TMEM45A: variants seen among roughly 807,000 people sequenced by gnomAD.
TMEM45A encodes the protein transmembrane protein 45A.
Under a neutral mutation model 32.0 loss-of-function variants are expected in TMEM45A, and 25 were observed. The observed-to-expected ratio is 0.78, with a 90% confidence interval of 0.57 to 1.09. The LOEUF (loss-of-function observed/expected upper bound fraction) is 1.09, where lower values mean the gene tolerates loss of function less well. Among genes scored for constraint, TMEM45A ranks in the 50% least tolerant of loss-of-function variants. The pLI is 0.00. For synonymous variants in TMEM45A, 122 were observed against 114.8 expected (o/e 1.06, Z -0.40); for missense variants, 302 against 325.0 (o/e 0.93, Z 0.54).
At position 100,556,877 on chromosome 3, in the gene TMEM45A, G is replaced by A; in HGVS notation, c.308G>A (p.Gly103Glu). 1 of 1,614,122 alleles carries A rather than the reference G, an allele frequency of 6.2e-7. No individual in the cohort carries two copies. Among genetic ancestry groups the A allele is most frequent in the Non-Finnish European group, 8.5e-7 (1 of 1,180,006 alleles). The change falls in exon 3 of 6, where the codon GGG becomes GAG. Residue 103 changes from glycine (G) to glutamate (E), a missense_variant. By Grantham distance (98) the Gly-to-Glu change is moderately conservative. Transcript: ENST00000323523. ...CATTTCACCATGTATTTCTTCTTTG[G>A]GCTGTTGGGTGTGGCAGATATCTTA... is the stretch of plus-strand genomic sequence containing the variant. ...WHHFTMYFFF[G>E]LLGVADILCF...
chr3:100,571,975 A>C (rs2148997227), intron 5 of TMEM45A: 1 of 152,336 alleles, frequency 6.6e-6, no homozygotes, highest in South Asian at 2.1e-4. Flanking sequence ...TATATGTGCC[A>C]CATTTTCTTA....
intron 1 of TMEM45A, among the ~76,000 whole-genome samples, chr3:100,554,514 C>G (rs1706174257): frequency 6.6e-6 from 1 of 152,154 alleles, no homozygotes; most frequent in African/African-American, 2.4e-5. Context: ...TGTGCTAGTT[C>G]AACTTATAGT....
intron 1 of TMEM45A, among the ~76,000 whole-genome samples, chr3:100,512,549 A>G (rs945083842): frequency 2.6e-5 from 4 of 152,192 alleles, no homozygotes; most frequent in African/African-American, 9.7e-5. Context: ...ACACCCTAAC[A>G]TCACAATTAA....
At chr3:100,570,111 T>A (rs1706528489) in intron 5 of TMEM45A, among the ~76,000 whole-genome samples, 3 of 152,264 alleles carry the variant, frequency 2.0e-5, no homozygotes, top group Admixed American at 2.0e-4. Flanking sequence ...AGTCACTAGC[T>A]ATTGAGCACT....
At chr3:100,536,694 A>T (rs1009611007) in intron 1 of TMEM45A, among the ~76,000 whole-genome samples, 2 of 152,198 alleles carry the variant, frequency 1.3e-5, no homozygotes, top group African/African-American at 4.8e-5. Context: ...GAAATTCACC[A>T]ACAGCTTTGC....
intron 1 of TMEM45A, among the ~76,000 whole-genome samples, chr3:100,546,911 A>G (rs1437641943): frequency 6.6e-6 from 1 of 152,104 alleles, no homozygotes; most frequent in Non-Finnish European, 1.5e-5. Flanking sequence ...GTCACTAAAT[A>G]CCTTGGAGCT....
rs201803242 is a variant in TMEM45A, at chr3:100,558,435, G to T, written c.434G>T (p.Arg145Leu). ...ATCTTCTACAACCACACTCATGGCC[G>T]GGAAATGCTGGACATCTTTGTGCAC... ...AFIFYNHTHG[R>L]EMLDIFVHQL... is the part of the protein sequence containing the mutation. The change falls in exon 4 of 6, where the codon CGG (arginine) becomes CTG (leucine). Residue 145 changes from arginine (R) to leucine (L), a missense_variant. Physicochemically the swap from Arg to Leu is moderately radical, Grantham distance 102 (BLOSUM62 -2). Coordinates refer to ENST00000323523, the MANE Select transcript of TMEM45A (RefSeq NM_018004.3). 6.2e-7 allele frequency: 1 copy of T among 1,613,786 alleles called. No homozygotes were observed. Among genetic ancestry groups the T allele is most frequent in the African/African-American group, 1.3e-5 (1 of 75,020 alleles).
chr3:100,561,473 T>A (rs1206414045), intron 4 of TMEM45A, among the ~76,000 whole-genome samples: 2 of 152,160 alleles, frequency 1.3e-5, no homozygotes, highest in African/African-American at 4.8e-5. Flanking sequence ...ATCACACACA[T>A]ATAAATGATT....
chr3:100,559,167 G>T (rs1206715478), intron 4 of TMEM45A, among the ~76,000 whole-genome samples: 1 of 152,178 alleles, frequency 6.6e-6, no homozygotes, highest in Non-Finnish European at 1.5e-5. Context: ...CTTTAACCTT[G>T]ATGAATTGTT....
At chr3:100,551,086 T>A (rs1470156357) in intron 1 of TMEM45A, among the ~76,000 whole-genome samples, 1 of 149,628 alleles carries the variant, frequency 6.7e-6, no homozygotes, top group Admixed American at 6.7e-5. Context: ...GGATCTCGGC[T>A]GACTGCAAGC....
intron 1 of TMEM45A, among the ~76,000 whole-genome samples, chr3:100,552,253 T>A (rs958603156): frequency 1.3e-5 from 2 of 152,214 alleles, no homozygotes; most frequent in African/African-American, 4.8e-5. Flanking sequence ...ATTTAACCTC[T>A]GAGGTGCCCC....
At chr3:100,509,023 A>G (rs998815990) in intron 1 of TMEM45A, among the ~76,000 whole-genome samples, 3 of 152,218 alleles carry the variant, frequency 2.0e-5, no homozygotes, top group African/African-American at 7.2e-5. Flanking sequence ...CAGAATGAAG[A>G]GACAAACTTC....
At chr3:100,567,070 TGAA>T (rs1706456507) in intron 4 of TMEM45A, among the ~76,000 whole-genome samples, 1 of 152,098 alleles carries the variant, frequency 6.6e-6, no homozygotes, top group South Asian at 2.1e-4. Context: ...TTTCAAGTGA[TGAA>T]GATTTCTCCC....
intron 1 of TMEM45A, among the ~76,000 whole-genome samples, chr3:100,552,463 G>A (rs935434897): frequency 6.6e-6 from 1 of 152,194 alleles, no homozygotes; most frequent in Non-Finnish European, 1.5e-5. Context: ...CCCTAGAGGG[G>A]ATCAATGTTA....
chr3:100,519,906 T>G (rs910244959), intron 1 of TMEM45A, among the ~76,000 whole-genome samples: 4 of 152,210 alleles, frequency 2.6e-5, no homozygotes, highest in Non-Finnish European at 4.4e-5. Context: ...ATTTTCTTCC[T>G]CTGGGGCCTT....
At chr3:100,564,215 T>C (rs1706383600) in intron 4 of TMEM45A, among the ~76,000 whole-genome samples, 1 of 152,196 alleles carries the variant, frequency 6.6e-6, no homozygotes, top group Non-Finnish European at 1.5e-5. Flanking sequence ...TGTATGACTC[T>C]GACATTGGTT....
rs747349671 is a variant in TMEM45A at position 100,556,754 on chromosome 3, T to G, written c.191-6T>G. The G allele has an allele frequency of 6.2e-7, 1 of 1,610,208 alleles. No individual in the cohort carries two copies. The highest frequency in any genetic ancestry group is 8.5e-7 in the Non-Finnish European group (1 of 1,177,724). Reference sequence around the variant, plus strand: ...GTTGCTAAAACTGTGATATGTTTCTTGGCAGGCATGGCTGGGGAGCAGTTT... The same window carrying G: ...GTTGCTAAAACTGTGATATGTTTCTGGGCAGGCATGGCTGGGGAGCAGTTT... On this transcript the variant is annotated splice_region_variant and splice_polypyrimidine_tract_variant and intron_variant, in intron 2 of 5. Coordinates refer to ENST00000323523, the MANE Select transcript of TMEM45A (RefSeq NM_018004.3).
chr3:100,500,294 C>T (rs1218029893), intron 1 of TMEM45A, among the ~76,000 whole-genome samples: 1 of 152,242 alleles, frequency 6.6e-6, no homozygotes, highest in Admixed American at 6.5e-5. Context: ...ACATCTCAGT[C>T]TGTCCACTGA....
At position 100,541,761 on chromosome 3, in the gene TMEM45A, G is replaced by A. The variant is rs949483521; in HGVS notation, c.-3-13448G>A. ...GCCTAGGCTGGTCTTGAACTCCTGG[G>A]CTCGAGCAGTCTGCCCACCTAGGCC... On this transcript the variant is annotated intron_variant, in intron 1 of 5. Transcript: ENST00000323523. 6.6e-5 allele frequency among the ~76,000 whole-genome samples: 10 copies of A among 152,052 alleles called. No individual in the cohort carries two copies. In the East Asian group the frequency reaches 1.7e-3, roughly 27 times the overall value.
Sources: allele counts gnomAD v4.1 joint callset (sites outside exome capture counted in the v4.1 genomes callset), GRCh38; gene constraint gnomAD v4.1.1; transcripts MANE v1.5; gene names NCBI Gene and HGNC (gene_info 2026-07-23, HGNC 2026-07-21).